Variants in PHF21B observed in about 807,000 individuals in gnomAD.
PHF21B encodes PHD finger protein 21B.
Under a neutral mutation model 62.2 loss-of-function variants are expected in PHF21B, and 22 were observed. That is an observed-to-expected ratio of 0.35 (90% CI 0.25 to 0.51). The LOEUF is 0.51. Among genes scored for constraint, PHF21B ranks in the 20% least tolerant of loss-of-function variants. PHF21B has a pLI of 0.97. For synonymous variants in PHF21B, 341 were observed against 314.7 expected, an observed-to-expected ratio of 1.08 and a Z score of -0.88; for missense variants, 701 against 707.9, an observed-to-expected ratio of 0.99 and a Z score of 0.11.
intron 5 of PHF21B, among the ~76,000 whole-genome samples, chr22:44,900,571 G>T (rs546570195): frequency 6.6e-6 from 1 of 152,354 alleles, no homozygotes; most frequent in African/African-American, 2.4e-5. Flanking sequence ...AAAGTGCTGA[G>T]ATTACAGGCG....
At chr22:44,995,963 G>A (rs866993707) in intron 2 of PHF21B, among the ~76,000 whole-genome samples, 21 of 152,202 alleles carry the variant, frequency 1.4e-4, no homozygotes, top group African/African-American at 1.9e-4. Context: ...GATGGTCGCA[G>A]AGGGGACAGT....
At chr22:44,936,870 C>CTTTTTTTTTTTT (rs370585353) in intron 2 of PHF21B, among the ~76,000 whole-genome samples, 2 of 128,624 alleles carry the variant, frequency 1.6e-5, no homozygotes, top group East Asian at 2.3e-4. Context: ...CACTTTCTTT[C>CTTTTTTTTTTTT]TTTTTTTTTT....
chr22:44,965,632 G>A (rs551913387), intron 2 of PHF21B, among the ~76,000 whole-genome samples: 1 of 152,178 alleles, frequency 6.6e-6, no homozygotes, highest in Non-Finnish European at 1.5e-5. Context: ...CGGCCCCCCA[G>A]GTGTTCTGGC....
chr22:44,902,713 TTTCA>T (rs1459872893), intron 5 of PHF21B, among the ~76,000 whole-genome samples: 3 of 152,232 alleles, frequency 2.0e-5, no homozygotes, highest in Non-Finnish European at 4.4e-5. Context: ...GTGCTGATTG[TTTCA>T]TTAAGTTTTT....
intron 5 of PHF21B, among the ~76,000 whole-genome samples, chr22:44,906,285 G>A (rs6006903): frequency 0.031 from 4,717 of 152,284 alleles, 207 homozygotes; most frequent in African/African-American, 0.1. Flanking sequence ...TTCAAGAGGG[G>A]GAGTGACTTA....
intron 2 of PHF21B, among the ~76,000 whole-genome samples, chr22:44,973,691 CCATTCTGAAACACA>C (rs774018488): frequency 0.032 from 4,817 of 152,194 alleles, 102 homozygotes; most frequent in Middle Eastern, 0.061. Context: ...GGAAAAGGAA[CCATTCTGAAACACA>C]ACTAACATAT....
intron 2 of PHF21B, among the ~76,000 whole-genome samples, chr22:44,956,114 G>A (rs987368186): frequency 3.5e-4 from 54 of 152,304 alleles, no homozygotes; most frequent in African/African-American, 1.0e-3. Flanking sequence ...ACGACACAGC[G>A]GTGGGAGCAC....
At chr22:44,984,038 TCAC>T (rs1569272827) in intron 2 of PHF21B, among the ~76,000 whole-genome samples, 2 of 148,944 alleles carry the variant, frequency 1.3e-5, no homozygotes, top group African/African-American at 2.5e-5. Context: ...ATTGGCATCA[TCAC>T]CACCATCATC....
At chr22:44,951,286 C>T (rs779485683) in intron 2 of PHF21B, among the ~76,000 whole-genome samples, 11 of 152,288 alleles carry the variant, frequency 7.2e-5, no homozygotes, top group Non-Finnish European at 8.8e-5. Flanking sequence ...GAGTGCACAG[C>T]CTAGATCCCT....
At chr22:44,895,750 T>C (rs1456090365) in intron 6 of PHF21B, among the ~76,000 whole-genome samples, 2 of 152,328 alleles carry the variant, frequency 1.3e-5, no homozygotes, top group African/African-American at 2.4e-5. Flanking sequence ...TGCATAGTCA[T>C]GGAGCCAGGG....
At chr22:44,890,837 G>A (rs891897134) in intron 8 of PHF21B, among the ~76,000 whole-genome samples, 28 of 152,370 alleles carry the variant, frequency 1.8e-4, no homozygotes, top group African/African-American at 5.8e-4. Context: ...CACACACAGC[G>A]AGGCAGAGGC....
At chr22:44,972,430 G>A (rs1056573835) in intron 2 of PHF21B, among the ~76,000 whole-genome samples, 1 of 152,212 alleles carries the variant, frequency 6.6e-6, no homozygotes, top group East Asian at 1.9e-4. Context: ...AAGTGTTGGC[G>A]GACGCTGCTG....
intron 2 of PHF21B, among the ~76,000 whole-genome samples, chr22:44,953,449 C>CAGTCA (rs2072233917): frequency 6.6e-6 from 1 of 152,182 alleles, no homozygotes; most frequent in East Asian, 1.9e-4. Context: ...TAATTTTCCA[C>CAGTCA]GTTCCCTTTC....
intron 5 of PHF21B, among the ~76,000 whole-genome samples, chr22:44,908,366 A>G (rs2071287955): frequency 6.6e-6 from 1 of 151,610 alleles, no homozygotes. Flanking sequence ...GGCAGCTAAC[A>G]CCCTCCTAGG....
At chr22:44,888,157 A>G in intron 9 of PHF21B, 36 bp from the exon 10 acceptor site, 1 of 1,473,602 alleles carries the variant, frequency 6.8e-7, no homozygotes, top group Non-Finnish European at 9.1e-7. Flanking sequence ...CAGGTCAGCC[A>G]CAGCCAGGGC....
At chr22:45,007,222 G>A (rs1162296310) in intron 2 of PHF21B, among the ~76,000 whole-genome samples, 2 of 42,538 alleles carry the variant, frequency 4.7e-5, no homozygotes, top group African/African-American at 1.5e-4. Flanking sequence ...CAGCAAGCCC[G>A]GCCCCCCCCA....
intron 7 of PHF21B, among the ~76,000 whole-genome samples, chr22:44,891,896 T>C (rs766380283): frequency 4.6e-5 from 7 of 152,112 alleles, no homozygotes; most frequent in Admixed American, 1.3e-4. Flanking sequence ...TGGTTCAAAG[T>C]GGCTTTGACT....
chr22:44,921,950 C>T (rs371673665), intron 2 of PHF21B, among the ~76,000 whole-genome samples: 8 of 152,198 alleles, frequency 5.3e-5, no homozygotes, highest in Admixed American at 3.9e-4. Flanking sequence ...TGAGCCACCG[C>T]GCCCGGTCCT....
rs572950433 is a variant in PHF21B at position 44,980,917 on chromosome 22, G to A, written c.120+27628C>T. On this transcript the variant is annotated intron_variant, in intron 2 of 12. Coordinates refer to ENST00000313237, the MANE Select transcript of PHF21B (RefSeq NM_138415.5). Reference sequence around the variant, plus strand: ...GCTAATTACTGCTAATTGTAATATCGTTTCTGTCTTGCTGCTAATACATTT... The same window carrying A: ...GCTAATTACTGCTAATTGTAATATCATTTCTGTCTTGCTGCTAATACATTT... Among the ~76,000 whole-genome samples the A allele has an allele frequency of 1.4e-4, 21 of 152,306 alleles. No homozygotes were observed. The East Asian group carries it at 2.1e-3, about 15-fold the overall frequency.
Sources: allele counts gnomAD v4.1 joint callset (sites outside exome capture counted in the v4.1 genomes callset), GRCh38; gene constraint gnomAD v4.1.1; transcripts MANE v1.5; gene names NCBI Gene and HGNC (gene_info 2026-07-23, HGNC 2026-07-21).